The following GALNT18 variants were observed in gnomAD, a reference collection of about 807,000 sequenced individuals.
GALNT18 encodes polypeptide N-acetylgalactosaminyltransferase 18.
GALNT18 carries 44 observed loss-of-function variants against 69.5 expected under a neutral mutation model. The ratio of observed to expected loss-of-function variants is 0.63; its 90% confidence interval spans 0.50 to 0.81. The LOEUF (loss-of-function observed/expected upper bound fraction) is 0.81, where lower values mean the gene tolerates loss of function less well. Ranked by LOEUF, GALNT18 falls within the 40% of genes least tolerant of loss-of-function variation. The pLI, the probability that GALNT18 is intolerant of heterozygous loss-of-function variation, is 0.00. For synonymous variants in GALNT18, 364 were observed against 318.2 expected (o/e 1.14, Z -1.53); for missense variants, 715 against 810.0 (o/e 0.88, Z 1.42).
At position 11,430,581 on chromosome 11, in the gene GALNT18, G is replaced by A. The variant is rs968346821; in HGVS notation, c.595+2040C>T. Among the ~76,000 whole-genome samples, 5 of 152,182 alleles carry A rather than the reference G, an allele frequency of 3.3e-5. No homozygotes were observed. The highest frequency in any genetic ancestry group is 9.7e-5 in the African/African-American group (4 of 41,438). ...GCTGCTCGTCTGCATCCCTGATGAC[G>A]GACTACTGCACCAGGGCATTGCTCC... On this transcript the variant is annotated intron_variant, in intron 3 of 10. Coordinates refer to ENST00000227756, the MANE Select transcript of GALNT18 (RefSeq NM_198516.3). The surrounding 1 kb of genome is among the most constrained non-coding windows in gnomAD (Gnocchi z 4.9).
chr11:11,309,201 ACAC>A lies in GALNT18; in HGVS notation c.1513-16011_1513-16009del. On this transcript the variant is annotated intron_variant, in intron 9 of 10. Coordinates refer to ENST00000227756, the MANE Select transcript of GALNT18 (RefSeq NM_198516.3). The surrounding 1 kb of genome is among the most constrained non-coding windows in gnomAD (Gnocchi z 4.6). ...CTTTCTACACTTCCACCATGGGATG[ACAC>A]CACAAGAAGGCCCTCACCGGATGCT... Among the ~76,000 whole-genome samples the A allele has an allele frequency of 6.6e-6, 1 of 152,280 alleles. No homozygotes were observed. The highest frequency in any genetic ancestry group is 6.5e-5 in the Admixed American group (1 of 15,306).
rs1329399879 is a variant in GALNT18 at position 11,598,910 on chromosome 11, T to C, written c.235+22449A>G. On this transcript the variant is annotated intron_variant, in intron 1 of 10. Transcript: ENST00000227756. This position sits in a 1 kb window ranked among gnomAD's most constrained non-coding sequence, Gnocchi z 4.8. ...TAATTTTCTAGATTTCCTGCTGTTA[T>C]TGGTTCAATTACATTTCACGTGGCC... Among the ~76,000 whole-genome samples, 1 of 152,178 alleles carries C rather than the reference T, an allele frequency of 6.6e-6. No individual in the cohort carries two copies. Among genetic ancestry groups the C allele is most frequent in the Non-Finnish European group, 1.5e-5 (1 of 68,008 alleles).
chr11:11,385,214 G>C (rs1854020446), intron 3 of GALNT18, among the ~76,000 whole-genome samples: 1 of 152,012 alleles, frequency 6.6e-6, no homozygotes, highest in Admixed American at 6.5e-5. Flanking sequence ...CCACCCCAGG[G>C]AGGGCATTAA....
rs960773585 is a variant in GALNT18, at chr11:11,538,557, C to T, written c.235+82802G>A. On this transcript the variant is annotated intron_variant, in intron 1 of 10. Transcript: ENST00000227756. This position sits in a 1 kb window ranked among gnomAD's most constrained non-coding sequence, Gnocchi z 5.2. ...CTTTTCCCTGCTTGCACCAACAACC[C>T]GATAGCCCTGGAGCTCGCGGCACTC... Among the ~76,000 whole-genome samples, 3 of 152,160 alleles carry T rather than the reference C, an allele frequency of 2.0e-5. No homozygotes were observed. The highest frequency in any genetic ancestry group is 4.4e-5 in the Non-Finnish European group (3 of 68,044).
At chr11:11,490,359 C>G (rs912642075) in intron 1 of GALNT18, among the ~76,000 whole-genome samples, 2 of 151,848 alleles carry the variant, frequency 1.3e-5, no homozygotes, top group Non-Finnish European at 2.9e-5. Context: ...GAACTATGAG[C>G]CAATAAATCT....
At chr11:11,597,220 T>C (rs969223167) in intron 1 of GALNT18, among the ~76,000 whole-genome samples, 2 of 152,246 alleles carry the variant, frequency 1.3e-5, no homozygotes, top group Admixed American at 1.3e-4. Flanking sequence ...TTCTTGTTTC[T>C]ATATTCATAG....
At chr11:11,529,126 TC>T (rs1463838554) in intron 1 of GALNT18, among the ~76,000 whole-genome samples, 1 of 152,222 alleles carries the variant, frequency 6.6e-6, no homozygotes, top group African/African-American at 2.4e-5. Context: ...TCCCTGTGTT[TC>T]ACCAGGATAC....
intron 3 of GALNT18, among the ~76,000 whole-genome samples, chr11:11,408,053 G>A (rs948312749): frequency 8.5e-5 from 13 of 152,190 alleles, no homozygotes; most frequent in African/African-American, 3.1e-4. Flanking sequence ...ACAGTAATCA[G>A]AAAACCATAC....
At position 11,338,775 on chromosome 11, in the gene GALNT18, G is replaced by A. The variant is rs1354135329; in HGVS notation, c.1278+2044C>T. ...AAGAGTAGATGATATTACCCAGGGA[G>A]ATGCGGAATAATGAGAGCAGTCTGC... On this transcript the variant is annotated intron_variant, in intron 7 of 10. Coordinates refer to ENST00000227756, the MANE Select transcript of GALNT18 (RefSeq NM_198516.3). The surrounding 1 kb of genome is among the most constrained non-coding windows in gnomAD (Gnocchi z 5.3). Among the ~76,000 whole-genome samples the A allele has an allele frequency of 6.6e-6, 1 of 152,130 alleles. No homozygotes were observed. The highest frequency in any genetic ancestry group is 1.5e-5 in the Non-Finnish European group (1 of 68,042).
Position 11,379,235 on chromosome 11 carries a change from C to T in GALNT18, c.625G>A (p.Val209Met). Residue 209 changes from valine to methionine, a missense_variant, in exon 4 of 11, where the codon GTG (valine) becomes ATG (methionine). Val to Met is a conservative substitution (Grantham distance 21). Transcript: ENST00000227756. ...GGCTTCTGGCTGTTCACCTTGTCCACATATTCGGTCAGCTTCTCCTTCAGT... is the reference window on the plus strand; with the variant it reads ...GGCTTCTGGCTGTTCACCTTGTCCATATATTCGGTCAGCTTCTCCTTCAGT... Reference protein sequence around the residue: ...EELKEKLTEYVDKVNSQKPGF... With the variant: ...EELKEKLTEYMDKVNSQKPGF... The T allele has an allele frequency of 1.2e-6, 2 of 1,613,014 alleles. No homozygotes were observed. The highest frequency in any genetic ancestry group is 1.7e-6 in the Non-Finnish European group (2 of 1,179,862).
intron 1 of GALNT18, among the ~76,000 whole-genome samples, chr11:11,512,830 G>A (rs1211208014): frequency 6.6e-6 from 1 of 152,162 alleles, no homozygotes; most frequent in Admixed American, 6.5e-5. Context: ...CACGGGTGCT[G>A]CCTAGAAAAA....
rs1484206408 is a variant in GALNT18 at position 11,432,051 on chromosome 11, G to A, written c.595+570C>T. On this transcript the variant is annotated intron_variant, in intron 3 of 10. Transcript: ENST00000227756. The surrounding 1 kb of genome is among the most constrained non-coding windows in gnomAD (Gnocchi z 5.8). ...GATGGCTTCAACAAGGTGTTTGCAG[G>A]CCACCCAGGGTCTGGCTAGGGACAG... Among the ~76,000 whole-genome samples, 1 of 152,134 alleles carries A rather than the reference G, an allele frequency of 6.6e-6. No homozygotes were observed. Among genetic ancestry groups the A allele is most frequent in the Non-Finnish European group, 1.5e-5 (1 of 68,022 alleles).
intron 1 of GALNT18, among the ~76,000 whole-genome samples, chr11:11,531,335 T>A (rs1857642263): frequency 2.0e-5 from 3 of 152,104 alleles, no homozygotes; most frequent in Non-Finnish European, 4.4e-5. Context: ...GGCTTGGAAG[T>A]CTTGCCAGCT....
intron 3 of GALNT18, among the ~76,000 whole-genome samples, chr11:11,403,546 G>T (rs532359521): frequency 5.3e-5 from 8 of 152,280 alleles, no homozygotes; most frequent in Non-Finnish European, 1.2e-4. Flanking sequence ...GTCATTCTTT[G>T]TCTCTGAGAG....
At chr11:11,597,511 T>C (rs1443676573) in intron 1 of GALNT18, among the ~76,000 whole-genome samples, 2 of 152,208 alleles carry the variant, frequency 1.3e-5, no homozygotes, top group Admixed American at 1.3e-4. Flanking sequence ...TGTTGTTCAC[T>C]TTGGTAGTTT....
chr11:11,485,773 G>A (rs1161894355), intron 1 of GALNT18, among the ~76,000 whole-genome samples: 1 of 152,184 alleles, frequency 6.6e-6, no homozygotes, highest in Non-Finnish European at 1.5e-5. Context: ...CAAAGAGAAG[G>A]GAGGACCACA....
rs539246043 is a variant in GALNT18 at position 11,385,527 on chromosome 11, C to G, written c.596-6263G>C. ...AGCCAGGATGGTCTCGATCTCCTGACCTTGTGATCTGCCCGCCTCGGCCTC... is the reference window on the plus strand; with the variant it reads ...AGCCAGGATGGTCTCGATCTCCTGAGCTTGTGATCTGCCCGCCTCGGCCTC... On this transcript the variant is annotated intron_variant, in intron 3 of 10. Coordinates refer to ENST00000227756, the MANE Select transcript of GALNT18 (RefSeq NM_198516.3). Among the ~76,000 whole-genome samples, 29 of 152,214 alleles carry G rather than the reference C, an allele frequency of 1.9e-4. 1 individual carries two copies. In the South Asian group the frequency reaches 4.8e-3, roughly 25 times the overall value.
At chr11:11,537,493 G>A (rs1046182227) in intron 1 of GALNT18, among the ~76,000 whole-genome samples, 1 of 152,204 alleles carries the variant, frequency 6.6e-6, no homozygotes, top group African/African-American at 2.4e-5. Flanking sequence ...AGGGAGCTGA[G>A]AAGAAAGGAT....
chr11:11,332,799 T>A lies in GALNT18; in HGVS notation c.1311A>T (p.Ala437=), dbSNP rs901553. The A allele has an allele frequency of 1.9e-6, 3 of 1,613,468 alleles. No homozygotes were observed. The highest frequency in any genetic ancestry group is 2.5e-6 in the Non-Finnish European group (3 of 1,179,932). The change falls in exon 8 of 11, where the codon GCA becomes GCT. Residue 437 remains alanine (A), a synonymous_variant. Coordinates refer to ENST00000227756, the MANE Select transcript of GALNT18 (RefSeq NM_198516.3). The surrounding 1 kb of genome is among the most constrained non-coding windows in gnomAD (Gnocchi z 4.3). ...GCAGCTGTTTCCTGAGAGCCTTCCT[T>A]GCAGTGATGTCCCCAATGTCAATTC... The part of the protein sequence containing the change: ...DSGIDIGDIT[A]RKALRKQLQC...
Sources: gnomAD v4.1 joint callset for allele counts (sites outside exome capture counted in the v4.1 genomes callset) on GRCh38, gnomAD v4.1.1 for gene constraint, Gnocchi (gnomAD v3.1) non-coding constraint, MANE v1.5 for transcripts, NCBI Gene and HGNC (gene_info 2026-07-23, HGNC 2026-07-21) for gene names.